Variants in PCSK2 observed in about 807,000 individuals in gnomAD.
The protein encoded by PCSK2 is proprotein convertase subtilisin/kexin type 2.
PCSK2 carries 14 observed loss-of-function variants against 69.7 expected under a neutral mutation model. That is an observed-to-expected ratio of 0.20 (90% CI 0.13 to 0.31). The LOEUF (loss-of-function observed/expected upper bound fraction) is 0.31, where lower values mean the gene tolerates loss of function less well. Ranked by LOEUF, PCSK2 falls within the 10% of genes least tolerant of loss-of-function variation. The pLI, the probability that PCSK2 is intolerant of heterozygous loss-of-function variation, is 1.00. For synonymous variants in PCSK2, 307 were observed against 320.7 expected (o/e 0.96, Z 0.46); for missense variants, 544 against 842.5 (o/e 0.65, Z 4.39).
chr20:17,467,326 C>T (rs1282623002), intron 11 of PCSK2, among the ~76,000 whole-genome samples: 4 of 152,212 alleles, frequency 2.6e-5, no homozygotes, highest in African/African-American at 9.6e-5. Flanking sequence ...ATAAAATGCA[C>T]TGGATTGCAA....
At chr20:17,281,483 T>G (rs1159450219) in intron 2 of PCSK2, among the ~76,000 whole-genome samples, 1 of 152,244 alleles carries the variant, frequency 6.6e-6, no homozygotes, top group African/African-American at 2.4e-5. Flanking sequence ...CCCATGGTGA[T>G]GCTGAGAATG....
At chr20:17,464,222 A>G (rs1008041384) in intron 10 of PCSK2, 1 of 152,156 alleles carries the variant, frequency 6.6e-6, no homozygotes, top group African/African-American at 2.4e-5. Flanking sequence ...GAGATCTTCA[A>G]TGCCCCTAGG....
chr20:17,425,641 T>A (rs183062536), intron 6 of PCSK2, among the ~76,000 whole-genome samples: 2 of 152,294 alleles, frequency 1.3e-5, no homozygotes, highest in Admixed American at 1.3e-4. Flanking sequence ...GGCCCTGAAA[T>A]ATTAGTGGCT....
chr20:17,482,231 T>C lies in PCSK2; in HGVS notation c.*161T>C, dbSNP rs1197980873. 1 of 633,662 alleles carries C rather than the reference T, an allele frequency of 1.6e-6. No homozygotes were observed. The allele number at this position is 633,662 out of a possible 1,614,324, so 39.3% of individuals were successfully genotyped here. ...CTGTCAATGATTATTTTCATTACAA[T>C]GGAAACAATCTTTTTTACTCTATGC... On this transcript the variant is annotated 3_prime_UTR_variant, in exon 12 of 12. Coordinates refer to ENST00000262545, the MANE Select transcript of PCSK2 (RefSeq NM_002594.5).
chr20:17,386,054 T>C (rs2031226464), intron 5 of PCSK2, among the ~76,000 whole-genome samples: 1 of 152,216 alleles, frequency 6.6e-6, no homozygotes, highest in Non-Finnish European at 1.5e-5. Flanking sequence ...AAGGAGTTAT[T>C]ATGGATGGGG....
In PCSK2 at chr20:17,453,995, C is replaced by T. The variant is rs2032875165; in HGVS notation, c.1101+38C>T. ...CCTTCTGTCCTTGTTTCCTTAGGGC[C>T]ACTGCACCTCTGTGTCAGGGTGGGA... On this transcript the variant is annotated intron_variant, in intron 9 of 11. Coordinates refer to ENST00000262545, the MANE Select transcript of PCSK2 (RefSeq NM_002594.5). The surrounding 1 kb of genome is among the most constrained non-coding windows in gnomAD (Gnocchi z 4.0). 1 of 1,610,936 alleles carries T rather than the reference C, an allele frequency of 6.2e-7. No homozygotes were observed. The highest frequency in any genetic ancestry group is 1.1e-5 in the South Asian group (1 of 90,620).
chr20:17,481,894 A>T lies in PCSK2; in HGVS notation c.1741A>T (p.Lys581Ter), dbSNP rs749496974. The change falls in exon 12 of 12, where the codon AAG becomes TAG. Residue 581 changes from lysine (K) to a stop codon, truncating the protein, a stop_gained. Coordinates refer to ENST00000262545, the MANE Select transcript of PCSK2 (RefSeq NM_002594.5). LOFTEE classifies it high-confidence loss of function. ...ELGFVGSAPQ[K>*]GVLKEWTLML... ...GGGATTTGTCGGCAGCGCCCCGCAG[A>T]AGGGGGTGCTGAAGGAGTGGACCCT... 6.2e-7 allele frequency: 1 copy of T among 1,613,808 alleles called. No individual in the cohort carries two copies. Among genetic ancestry groups the T allele is most frequent in the Non-Finnish European group, 8.5e-7 (1 of 1,179,970 alleles).
chr20:17,450,289 A>G (rs1180284010), intron 8 of PCSK2, among the ~76,000 whole-genome samples: 1 of 151,948 alleles, frequency 6.6e-6, no homozygotes, highest in African/African-American at 2.4e-5. Flanking sequence ...CGGCCTCCCA[A>G]AGTGCTGGGA....
Position 17,303,569 on chromosome 20 carries a change from A to G in PCSK2, c.282+43225A>G, listed in dbSNP as rs565339586. ...TATGATATAATATATATTATATAATATATTAAAAATATATACTTTTTTTTT... is the reference window on the plus strand; with the variant it reads ...TATGATATAATATATATTATATAATGTATTAAAAATATATACTTTTTTTTT... On this transcript the variant is annotated intron_variant, in intron 2 of 11. Transcript: ENST00000262545. Among the ~76,000 whole-genome samples the G allele has an allele frequency of 4.0e-4, 44 of 110,320 alleles. 1 individual carries two copies. Among genetic ancestry groups the G allele is most frequent in the African/African-American group, 1.5e-3 (40 of 27,570 alleles). The allele number at this position is 110,320 out of a possible 152,430, so 72.4% of individuals were successfully genotyped here. A position where few individuals can be genotyped will look rare whatever the true frequency, so the allele number is the denominator to read the frequency against.
In PCSK2 at chr20:17,453,250, T is replaced by C. The variant is rs2032859251; in HGVS notation, c.886-492T>C. On this transcript the variant is annotated intron_variant, in intron 8 of 11. Coordinates refer to ENST00000262545, the MANE Select transcript of PCSK2 (RefSeq NM_002594.5). This position sits in a 1 kb window ranked among gnomAD's most constrained non-coding sequence, Gnocchi z 4.0. ...ATAGCTATTTAAAATAAAAGGTATA[T>C]ATCTTCTATAAATGTTTTGTATAGC... Among the ~76,000 whole-genome samples, 1 of 152,186 alleles carries C rather than the reference T, an allele frequency of 6.6e-6. No individual in the cohort carries two copies. Among genetic ancestry groups the C allele is most frequent in the Admixed American group, 6.5e-5 (1 of 15,276 alleles).
intron 2 of PCSK2, among the ~76,000 whole-genome samples, chr20:17,267,761 AG>A (rs1268889344): frequency 2.0e-5 from 3 of 152,110 alleles, no homozygotes; most frequent in Non-Finnish European, 4.4e-5. Flanking sequence ...ATGCTAGCAA[AG>A]CCAGAGATCT....
chr20:17,260,956 C>G (rs560354940), intron 2 of PCSK2, among the ~76,000 whole-genome samples: 1 of 152,220 alleles, frequency 6.6e-6, no homozygotes, highest in South Asian at 2.1e-4. Context: ...TCAGTCTTTA[C>G]CTTGCTCTTG....
rs111772689 is a variant in PCSK2, at chr20:17,453,993, G to A, written c.1101+36G>A. 888 of 1,611,680 alleles carry A rather than the reference G, an allele frequency of 5.5e-4. 8 individuals carry two copies. In the African/African-American group the frequency reaches 9.7e-3, roughly 18 times the overall value. Reference sequence around the variant, plus strand: ...CCCCTTCTGTCCTTGTTTCCTTAGGGCCACTGCACCTCTGTGTCAGGGTGG... The same window carrying A: ...CCCCTTCTGTCCTTGTTTCCTTAGGACCACTGCACCTCTGTGTCAGGGTGG... On this transcript the variant is annotated intron_variant, in intron 9 of 11. Transcript: ENST00000262545. This position sits in a 1 kb window ranked among gnomAD's most constrained non-coding sequence, Gnocchi z 4.0.
At chr20:17,348,251 T>C (rs966239981) in intron 2 of PCSK2, among the ~76,000 whole-genome samples, 4 of 152,210 alleles carry the variant, frequency 2.6e-5, no homozygotes, top group Non-Finnish European at 5.9e-5. Flanking sequence ...CACATTTGAT[T>C]TGCTTTGTCT....
chr20:17,321,640 T>C lies in PCSK2; in HGVS notation c.283-36687T>C, dbSNP rs1600489528. Among the ~76,000 whole-genome samples, 6 of 152,352 alleles carry C rather than the reference T, an allele frequency of 3.9e-5. No individual in the cohort carries two copies. The South Asian group carries it at 1.2e-3, about 32-fold the overall frequency. The stretch of plus-strand genomic sequence containing the variant: ...AGAAACAAATTATCCTCTATTTTCT[T>C]GTAATTTACATAACAGTAGTTGATT... On this transcript the variant is annotated intron_variant, in intron 2 of 11. Transcript: ENST00000262545.
chr20:17,259,743 C>G (rs1166532457), intron 1 of PCSK2, among the ~76,000 whole-genome samples: 1 of 152,126 alleles, frequency 6.6e-6, no homozygotes, highest in Non-Finnish European at 1.5e-5. Context: ...TGTGCTCAGC[C>G]TGATAAAAGG....
At chr20:17,457,782 T>C (rs2284913) in intron 10 of PCSK2, among the ~76,000 whole-genome samples, 87,825 of 152,152 alleles carry the variant, frequency 0.58, 25,601 homozygotes, top group South Asian at 0.71. Flanking sequence ...AGCTGAGCTG[T>C]GCAGAGCCAG....
chr20:17,290,128 A>C (rs1400611362), intron 2 of PCSK2, among the ~76,000 whole-genome samples: 1 of 152,100 alleles, frequency 6.6e-6, no homozygotes, highest in African/African-American at 2.4e-5. Context: ...AGTGAAAGCA[A>C]TTTTTTTCCA....
At position 17,297,489 on chromosome 20, in the gene PCSK2, C is replaced by T. The variant is rs73251704; in HGVS notation, c.282+37145C>T. On this transcript the variant is annotated intron_variant, in intron 2 of 11. Coordinates refer to ENST00000262545, the MANE Select transcript of PCSK2 (RefSeq NM_002594.5). ...TGAATGGATCCAGATTCAACACTAC[C>T]GTCTGAAGCAGCACTAGCTCAGGTT... Among the ~76,000 whole-genome samples the T allele has an allele frequency of 9.6e-3, 1,464 of 152,312 alleles. 22 individuals carry two copies. Among genetic ancestry groups the T allele is most frequent in the East Asian group, 0.04 (209 of 5,182 alleles).
Sources: gnomAD v4.1 joint callset for allele counts (sites outside exome capture counted in the v4.1 genomes callset) on GRCh38, gnomAD v4.1.1 for gene constraint, Gnocchi (gnomAD v3.1) non-coding constraint, MANE v1.5 for transcripts, NCBI Gene and HGNC (gene_info 2026-07-23, HGNC 2026-07-21) for gene names.